The following FASN variants were observed in gnomAD, a reference collection of about 807,000 sequenced individuals.
FASN encodes 3-hydroxyacyl-[acyl-carrier-protein] dehydratase.
In FASN, 50 loss-of-function variants were observed where a neutral mutation model predicts 250.0. The observed-to-expected ratio is 0.20, with a 90% CI of 0.16 to 0.25. The LOEUF (loss-of-function observed/expected upper bound fraction) is 0.25. Among genes scored for constraint, FASN ranks in the 10% least tolerant of loss-of-function variants. The pLI, the probability that FASN is intolerant of heterozygous loss-of-function variation, is 1.00. For synonymous variants in FASN, 1,909 were observed against 1,584.0 expected (o/e 1.21, Z -4.87); for missense variants, 3,031 against 3,498.5 (o/e 0.87, Z 3.37).
chr17:82,088,694 C>T, intron 15 of FASN, 67 bp downstream of exon 15: 3 of 1,525,132 alleles, frequency 2.0e-6, no homozygotes, highest in Non-Finnish European at 2.7e-6. Context: ...GGGCCCGCAG[C>T]CCCGCTCACC....
rs763579516 is a variant in FASN, at chr17:82,083,978, C to A, written c.5095G>T (p.Val1699Leu). Residue 1699 changes from valine (V) to leucine (L), a missense_variant, in exon 29 of 43, where the codon GTG becomes TTG. Val to Leu is a conservative substitution (Grantham distance 32). Coordinates refer to ENST00000306749, the MANE Select transcript of FASN (RefSeq NM_004104.5). ...LSLGCRVFTT[V>L]GSAEKRAYLQ... is the part of the protein sequence containing the mutation. ...GGCACCGGGGGCGGGGCCTTACCCA[C>A]GGTGGTGAAGACGCGGCAGCCCAGA... is the stretch of plus-strand genomic sequence containing the variant. The A allele has an allele frequency of 1.9e-6, 3 of 1,540,758 alleles. No individual in the cohort carries two copies. The highest frequency in any genetic ancestry group is 1.7e-4 in the Middle Eastern group (1 of 5,794).
intron 9 of FASN, 64 bp from the exon 10 acceptor site, chr17:82,091,133 C>T: frequency 6.2e-7 from 1 of 1,604,808 alleles, no homozygotes; most frequent in Non-Finnish European, 8.5e-7. Context: ...CCATCCCCGT[C>T]CCAGAGAGCA....
At chr17:82,086,171 G>GT in intron 22 of FASN, 83 bp downstream of exon 22, 1 of 1,532,280 alleles carries the variant, frequency 6.5e-7, no homozygotes, top group Non-Finnish European at 8.7e-7. Context: ...CCCGCCCCGT[G>GT]TCTGTGCTGT....
chr17:82,082,833 A>G, intron 33 of FASN, 81 bp downstream of exon 33: 2 of 1,573,318 alleles, frequency 1.3e-6, no homozygotes, highest in South Asian at 2.2e-5. Context: ...ACAGCCCACA[A>G]TGGTGGGCTG....
chr17:82,081,536 T>C, intron 37 of FASN, 65 bp downstream of exon 37: 1 of 1,604,574 alleles, frequency 6.2e-7, no homozygotes, highest in South Asian at 1.1e-5. Context: ...GCACGACTGC[T>C]ATGTCCCAAG....
At chr17:82,080,015 G>A in intron 41 of FASN, 125 bp downstream of exon 41, 1 of 1,070,964 alleles carries the variant, frequency 9.3e-7, no homozygotes, top group South Asian at 1.3e-5. Flanking sequence ...GCCGGGATCG[G>A]CTATTAAAGG....
chr17:82,082,215 T>C, intron 35 of FASN, 55 bp from the exon 36 acceptor site: 1 of 1,601,198 alleles, frequency 6.2e-7, no homozygotes, highest in Non-Finnish European at 8.5e-7. Flanking sequence ...GCCCCCAACG[T>C]CCCATCCCCA....
intron 8 of FASN, among the ~76,000 whole-genome samples, 159 bp downstream of exon 8, chr17:82,092,296 C>T (rs72863348): frequency 0.13 from 19,855 of 152,270 alleles, 1,708 homozygotes; most frequent in Non-Finnish European, 0.2. Context: ...AGCCTCAGTG[C>T]CTCTGCTCAG....
At chr17:82,090,300 C>A in intron 11 of FASN, 75 bp downstream of exon 11, 1 of 1,443,172 alleles carries the variant, frequency 6.9e-7, no homozygotes, top group Non-Finnish European at 9.4e-7. Flanking sequence ...CAGGCCAGGG[C>A]TGCAGGTGAG....
At chr17:82,092,329 C>A (rs2034225952) in intron 8 of FASN, 126 bp downstream of exon 8, 1 of 1,024,170 alleles carries the variant, frequency 9.8e-7, no homozygotes, top group African/African-American at 1.6e-5. Context: ...GCCCGGGGGA[C>A]AGAGGCTCCT....
Position 82,084,949 on chromosome 17 carries a change from C to T in FASN, c.4414G>A (p.Val1472Met), listed in dbSNP as rs1318973626. The change falls in exon 26 of 43, where the codon GTG becomes ATG. Residue 1472 changes from valine to methionine, a missense_variant. Transcript: ENST00000306749. ...GTGCTGCTGAGGTTGGAGAGCAGCACACACCTGGGGGCAGAGGCGGGGAGC... is the reference window on the plus strand; with the variant it reads ...GTGCTGCTGAGGTTGGAGAGCAGCATACACCTGGGGGCAGAGGCGGGGAGC... ...REPGGNRLRC[V>M]LLSNLSSTSH... The T allele has an allele frequency of 1.9e-6, 3 of 1,559,734 alleles. No individual in the cohort carries two copies. The highest frequency in any genetic ancestry group is 3.9e-5 in the Admixed American group (2 of 51,858).
Position 82,088,501 on chromosome 17 carries a change from G to C in FASN, c.2482C>G (p.Pro828Ala). The C allele has an allele frequency of 6.2e-7, 1 of 1,609,370 alleles. No homozygotes were observed. The highest frequency in any genetic ancestry group is 8.5e-7 in the Non-Finnish European group (1 of 1,177,416). The change falls in exon 16 of 43, where the codon CCC becomes GCC. Residue 828 changes from proline (P) to alanine (A), a missense_variant. Physicochemically the swap from Pro to Ala is conservative, Grantham distance 27. Transcript: ENST00000306749. Reference protein sequence around the residue: ...PVEFPAPRGTPLISPLIKWDH... With the variant: ...PVEFPAPRGTALISPLIKWDH... Reference sequence around the variant, plus strand: ...CACTTGATGAGTGGGGAGATGAGGGGAGTTCCTCGGGGAGCTGGGAACTCC... The same window carrying C: ...CACTTGATGAGTGGGGAGATGAGGGCAGTTCCTCGGGGAGCTGGGAACTCC...
At chr17:82,098,063 C>T (rs1193407704) in intron 1 of FASN, 58 bp downstream of exon 1, 5 of 325,162 alleles carry the variant, frequency 1.5e-5, no homozygotes, top group Admixed American at 4.9e-5. Context: ...ACCCCGGGAA[C>T]CCCGGGCCCA....
chr17:82,079,413 C>A lies in FASN; in HGVS notation c.7342G>T (p.Ala2448Ser), dbSNP rs201822969. 4 of 1,613,012 alleles carry A rather than the reference C, an allele frequency of 2.5e-6. No individual in the cohort carries two copies. The South Asian group carries it at 3.3e-5, about 13-fold the overall frequency. The part of the protein sequence containing the change: ...KYHGNVMLLR[A>S]KTGGAYGEDL... The stretch of plus-strand genomic sequence containing the variant: ...TCGCCGTAGGCGCCACCCGTCTTGG[C>A]GCGCAGTAGCATCACGTTGCCATGG... Residue 2448 changes from alanine (A) to serine (S), a missense_variant, in exon 42 of 43, where the codon GCC (alanine) becomes TCC (serine). Coordinates refer to ENST00000306749, the MANE Select transcript of FASN (RefSeq NM_004104.5).
rs780276452 is a variant in FASN, at chr17:82,079,433, C to T, written c.7322G>A (p.Gly2441Asp). 13 of 1,612,962 alleles carry T rather than the reference C, an allele frequency of 8.1e-6. No homozygotes were observed. Among genetic ancestry groups the T allele is most frequent in the African/African-American group, 1.3e-5 (1 of 74,940 alleles). The change falls in exon 42 of 43, where the codon GGC (glycine) becomes GAC (aspartate). Residue 2441 changes from glycine (G) to aspartate (D), a missense_variant. Gly to Asp is a moderately conservative substitution (Grantham distance 94). Coordinates refer to ENST00000306749, the MANE Select transcript of FASN (RefSeq NM_004104.5). ...EQYTPKAKYH[G>D]NVMLLRAKTG... Reference sequence around the variant, plus strand: ...CTTGGCGCGCAGTAGCATCACGTTGCCATGGTACTTGGCCTTGGGTGTGTA... The same window carrying T: ...CTTGGCGCGCAGTAGCATCACGTTGTCATGGTACTTGGCCTTGGGTGTGTA...
intron 22 of FASN, 63 bp from the exon 23 acceptor site, chr17:82,085,934 G>A: frequency 3.4e-6 from 5 of 1,456,838 alleles, no homozygotes; most frequent in Non-Finnish European, 4.5e-6. Context: ...CTGGGGCTGG[G>A]CAAAATGTCC....
At chr17:82,082,763 G>A (rs17848942) in intron 33 of FASN, 85 bp from the exon 34 acceptor site, 766,541 of 1,566,530 alleles carry the variant, frequency 0.49, 196,005 homozygotes, top group Non-Finnish European at 0.54. Context: ...GGGAGCAGCC[G>A]CAGAGCCCCA....
chr17:82,087,147 C>G lies in FASN; in HGVS notation c.3330G>C (p.Gln1110His), dbSNP rs755685212. ...AGCAAAACTTCTCCAGGATGGGCAC[C>G]TGCTGCTCCTGCTGCCGCCGCGGGG... is the stretch of plus-strand genomic sequence containing the variant. ...ESAPRRQQEQQVPILEKFCFT... is the reference protein window; with the variant it reads ...ESAPRRQQEQHVPILEKFCFT... Residue 1110 changes from glutamine to histidine, a missense_variant, in exon 21 of 43, where the codon CAG becomes CAC. By Grantham distance (24) the Gln-to-His change is conservative. Coordinates refer to ENST00000306749, the MANE Select transcript of FASN (RefSeq NM_004104.5). The G allele has an allele frequency of 7.5e-6, 12 of 1,610,652 alleles. No homozygotes were observed. In the African/African-American group the frequency reaches 9.3e-5, roughly 13 times the overall value.
chr17:82,093,973 A>G, intron 3 of FASN: 1 of 635,606 alleles, frequency 1.6e-6, no homozygotes, highest in Non-Finnish European at 2.8e-6. Flanking sequence ...TGTGGCCAGC[A>G]GCCAGCCCAG....
Sources: gnomAD v4.1 joint callset for allele counts (sites outside exome capture counted in the v4.1 genomes callset) on GRCh38, gnomAD v4.1.1 for gene constraint, MANE v1.5 for transcripts, NCBI Gene and HGNC (gene_info 2026-07-23, HGNC 2026-07-21) for gene names.